Variants in PLCL1 observed in about 807,000 individuals in gnomAD.
PLCL1 encodes inactive phospholipase C-like protein 1.
PLCL1 carries 41 observed loss-of-function variants against 84.4 expected under a neutral mutation model. The observed-to-expected ratio is 0.49, with a 90% CI of 0.38 to 0.63. The LOEUF (loss-of-function observed/expected upper bound fraction) is 0.63. Ranked by LOEUF, PLCL1 falls within the 30% of genes least tolerant of loss-of-function variation. PLCL1 has a pLI of 0.00. For missense variants in PLCL1, 1,206 were observed against 1,367.8 expected (o/e 0.88, Z 1.87); for synonymous variants, 490 against 488.3 (o/e 1.00, Z -0.05).
At chr2:197,978,248 G>A (rs1036251678) in intron 1 of PLCL1, among the ~76,000 whole-genome samples, 6 of 152,064 alleles carry the variant, frequency 3.9e-5, no homozygotes, top group Admixed American at 3.3e-4. Flanking sequence ...AGGCCGAGGC[G>A]GGCAGATCAT....
At chr2:197,899,802 A>AT (rs1302141903) in intron 1 of PLCL1, among the ~76,000 whole-genome samples, 4 of 151,324 alleles carry the variant, frequency 2.6e-5, no homozygotes, top group Non-Finnish European at 5.9e-5. Context: ...CGCCCGGCTA[A>AT]TTTTTTGTAT....
chr2:198,146,729 A>G (rs758232397), intron 5 of PLCL1, 51 bp from the exon 6 acceptor site: 5 of 1,490,362 alleles, frequency 3.4e-6, no homozygotes, highest in Non-Finnish European at 9.2e-7. Flanking sequence ...CACTCAGCAC[A>G]TGCCTGGCCC....
intron 1 of PLCL1, among the ~76,000 whole-genome samples, chr2:197,861,379 G>A (rs969885464): frequency 2.6e-5 from 4 of 152,112 alleles, no homozygotes; most frequent in Non-Finnish European, 5.9e-5. Flanking sequence ...CTCTGTGTCC[G>A]TTCCCCCATA....
intron 1 of PLCL1, among the ~76,000 whole-genome samples, chr2:198,001,690 G>A (rs951059396): frequency 6.6e-6 from 1 of 151,974 alleles, no homozygotes; most frequent in Non-Finnish European, 1.5e-5. Context: ...ACCCCGGTAC[G>A]GTCTGTGGCT....
chr2:197,960,648 AAGC>A (rs1427459683), intron 1 of PLCL1, among the ~76,000 whole-genome samples: 1 of 152,096 alleles, frequency 6.6e-6, no homozygotes, highest in Non-Finnish European at 1.5e-5. Context: ...AATAATGGAG[AAGC>A]TTAGAGGACC....
At chr2:198,003,022 A>G (rs1462585871) in intron 1 of PLCL1, among the ~76,000 whole-genome samples, 1 of 152,102 alleles carries the variant, frequency 6.6e-6, no homozygotes, top group Non-Finnish European at 1.5e-5. Context: ...ACCTGCTCTC[A>G]TTGGTCCCTA....
chr2:198,139,471 A>G (rs1015610754), intron 5 of PLCL1, among the ~76,000 whole-genome samples: 1 of 152,212 alleles, frequency 6.6e-6, no homozygotes, highest in Non-Finnish European at 1.5e-5. Flanking sequence ...ATTCATATTA[A>G]GTACAGGCAT....
In PLCL1 at chr2:197,922,947, G is replaced by C. The variant is rs1393827439; in HGVS notation, c.240+117608G>C. On this transcript the variant is annotated intron_variant, in intron 1 of 5. Coordinates refer to ENST00000428675, the MANE Select transcript of PLCL1 (RefSeq NM_006226.4). ...TCCCAGATGGGGCGGCTGGCCGGGC[G>C]GGGGGCTGACCCCCCCACCTCCCTC... Among the ~76,000 whole-genome samples the C allele has an allele frequency of 5.2e-5, 6 of 116,338 alleles. 1 individual carries two copies. Among genetic ancestry groups the C allele is most frequent in the Non-Finnish European group, 1.1e-4 (6 of 54,990 alleles). The allele number at this position is 116,338 out of a possible 152,430, so 76.3% of individuals were successfully genotyped here.
chr2:198,079,283 A>G lies in PLCL1; in HGVS notation c.241-4475A>G, dbSNP rs1692652945. Among the ~76,000 whole-genome samples the G allele has an allele frequency of 4.6e-5, 7 of 151,428 alleles. No individual in the cohort carries two copies. The South Asian group carries it at 1.2e-3, about 27-fold the overall frequency. On this transcript the variant is annotated intron_variant, in intron 1 of 5. Transcript: ENST00000428675. ...TAAAATTATTAAATATTTTAATACA[A>G]TTATTAAAAATATTAAATATTTAGG...
intron 1 of PLCL1, among the ~76,000 whole-genome samples, chr2:197,899,380 C>T (rs182746556): frequency 6.6e-6 from 1 of 152,040 alleles, no homozygotes; most frequent in East Asian, 1.9e-4. Context: ...TTTTGTCCAT[C>T]TGTCACTGTC....
At chr2:197,899,367 T>C (rs1460365369) in intron 1 of PLCL1, among the ~76,000 whole-genome samples, 1 of 151,704 alleles carries the variant, frequency 6.6e-6, no homozygotes, top group African/African-American at 2.4e-5. Context: ...AGCCAGAAAA[T>C]GGTTTTGTCC....
rs1223433148 is a variant in PLCL1 at position 198,014,581 on chromosome 2, C to G, written c.241-69177C>G. Among the ~76,000 whole-genome samples, 6 of 151,796 alleles carry G rather than the reference C, an allele frequency of 4.0e-5. No homozygotes were observed. The East Asian group carries it at 9.6e-4, about 24-fold the overall frequency. On this transcript the variant is annotated intron_variant, in intron 1 of 5. Transcript: ENST00000428675. ...TTGTTAATTTTGTTGTTTATGTTATCTTTATTATAACCATGTGGGAAGTTT... is the reference window on the plus strand; with the variant it reads ...TTGTTAATTTTGTTGTTTATGTTATGTTTATTATAACCATGTGGGAAGTTT...
rs184093282 is a variant in PLCL1, at chr2:198,096,551, T to A, written c.2920-4734T>A. Among the ~76,000 whole-genome samples, 6 of 152,338 alleles carry A rather than the reference T, an allele frequency of 3.9e-5. No individual in the cohort carries two copies. In the East Asian group the frequency reaches 1.2e-3, roughly 29 times the overall value. On this transcript the variant is annotated intron_variant, in intron 3 of 5. Coordinates refer to ENST00000428675, the MANE Select transcript of PLCL1 (RefSeq NM_006226.4). The stretch of plus-strand genomic sequence containing the variant: ...ATATATCATTCTGAAGTGGAATAGC[T>A]ACAGGAGGTTGCAACTGTAAGAAAT...
chr2:198,123,873 A>G (rs1029743575), intron 5 of PLCL1, among the ~76,000 whole-genome samples: 2 of 152,076 alleles, frequency 1.3e-5, no homozygotes, highest in Non-Finnish European at 2.9e-5. Flanking sequence ...GAACAGTTTC[A>G]TCCTGAAACT....
At chr2:197,808,554 G>A (rs538653944) in intron 1 of PLCL1, among the ~76,000 whole-genome samples, 6 of 152,072 alleles carry the variant, frequency 3.9e-5, no homozygotes, top group Non-Finnish European at 7.4e-5. Context: ...CATAGCAAAT[G>A]TTTTATATTG....
rs1694526792 is a variant in PLCL1 at position 198,146,769 on chromosome 2, T to C, written c.3106-11T>C. 2 of 1,605,172 alleles carry C rather than the reference T, an allele frequency of 1.2e-6. No homozygotes were observed. The highest frequency in any genetic ancestry group is 2.2e-5 in the South Asian group (2 of 90,266). On this transcript the variant is annotated splice_polypyrimidine_tract_variant and intron_variant, in intron 5 of 5. Transcript: ENST00000428675. Reference sequence around the variant, plus strand: ...CTGTCTTCTTTGATGCCTGTTTTTTTCTGTTTGTAGGGCCAAGGAGATCTG... The same window carrying C: ...CTGTCTTCTTTGATGCCTGTTTTTTCCTGTTTGTAGGGCCAAGGAGATCTG...
intron 1 of PLCL1, among the ~76,000 whole-genome samples, chr2:197,899,252 G>T (rs2105734769): frequency 6.6e-6 from 1 of 152,060 alleles, no homozygotes; most frequent in East Asian, 1.9e-4. Context: ...TATTTAGGTT[G>T]TCATTTCATT....
At chr2:197,945,490 G>A (rs942065751) in intron 1 of PLCL1, among the ~76,000 whole-genome samples, 7 of 152,114 alleles carry the variant, frequency 4.6e-5, no homozygotes, top group African/African-American at 1.7e-4. Context: ...GATGTTAATA[G>A]CACAAACAAC....
intron 1 of PLCL1, among the ~76,000 whole-genome samples, chr2:198,010,334 G>A (rs1363855678): frequency 1.3e-5 from 2 of 151,826 alleles, no homozygotes; most frequent in African/African-American, 2.4e-5. Flanking sequence ...TGTTGAGGTA[G>A]TTTCCTTCTA....
Sources: gnomAD v4.1 joint callset for allele counts (sites outside exome capture counted in the v4.1 genomes callset) on GRCh38, gnomAD v4.1.1 for gene constraint, MANE v1.5 for transcripts, NCBI Gene and HGNC (gene_info 2026-07-23, HGNC 2026-07-21) for gene names.